CNTNAP2: variants seen among roughly 807,000 people sequenced by gnomAD.
CNTNAP2 encodes the protein contactin associated protein 2.
In CNTNAP2, 98 loss-of-function variants were observed where a neutral mutation model predicts 155.2. The ratio of observed to expected loss-of-function variants is 0.63; its 90% CI spans 0.54 to 0.75. The LOEUF (loss-of-function observed/expected upper bound fraction) is 0.75. CNTNAP2 is among the 30% of genes least tolerant of loss of function. CNTNAP2 has a pLI of 0.00. For missense variants in CNTNAP2, 1,727 were observed against 1,688.1 expected, an observed-to-expected ratio of 1.02 and a Z score of -0.40; for synonymous variants, 651 against 631.2, an observed-to-expected ratio of 1.03 and a Z score of -0.47.
At chr7:147,517,090 C>T (rs924984589) in intron 11 of CNTNAP2, among the ~76,000 whole-genome samples, 5 of 151,300 alleles carry the variant, frequency 3.3e-5, no homozygotes, top group African/African-American at 9.7e-5. Context: ...GGCTGGTCTC[C>T]AACTCCTGAC....
intron 5 of CNTNAP2, 84 bp downstream of exon 5, chr7:147,108,434 G>A: frequency 8.4e-7 from 1 of 1,191,370 alleles, no homozygotes. Context: ...TCTTTAAAAT[G>A]TAAATTATAA....
chr7:148,401,504 T>A (rs2116699717), intron 22 of CNTNAP2, among the ~76,000 whole-genome samples: 1 of 152,330 alleles, frequency 6.6e-6, no homozygotes. Flanking sequence ...ACAAGACATT[T>A]ATCTCACATG....
At chr7:147,770,533 A>C (rs1166528092) in intron 13 of CNTNAP2, among the ~76,000 whole-genome samples, 1 of 152,192 alleles carries the variant, frequency 6.6e-6, no homozygotes, top group Admixed American at 6.5e-5. Context: ...TATATTTTCC[A>C]AATGTTTTGA....
chr7:146,836,625 T>G (rs931965888), intron 2 of CNTNAP2, among the ~76,000 whole-genome samples: 28 of 152,176 alleles, frequency 1.8e-4, no homozygotes, highest in African/African-American at 6.8e-4. Context: ...TTATTCATCA[T>G]TACTGTTTGT....
At chr7:147,691,697 T>G (rs769269362) in intron 13 of CNTNAP2, among the ~76,000 whole-genome samples, 1 of 152,162 alleles carries the variant, frequency 6.6e-6, no homozygotes, top group Non-Finnish European at 1.5e-5. Flanking sequence ...ATATTTTCAA[T>G]AAGCTTTATT....
intron 3 of CNTNAP2, among the ~76,000 whole-genome samples, chr7:146,864,176 G>C (rs1167383233): frequency 6.6e-6 from 1 of 151,810 alleles, no homozygotes; most frequent in Non-Finnish European, 1.5e-5. Flanking sequence ...TAAAATTAGA[G>C]ATCTATATTT....
chr7:147,082,074 T>C (rs183368848), intron 4 of CNTNAP2: 66 of 152,234 alleles, frequency 4.3e-4, no homozygotes, highest in African/African-American at 1.5e-3. Flanking sequence ...GGAAATACAA[T>C]GGTTTCATTG....
chr7:147,300,307 T>G lies in CNTNAP2; in HGVS notation c.1498+17T>G. On this transcript the variant is annotated intron_variant, in intron 9 of 23. Coordinates refer to ENST00000361727, the MANE Select transcript of CNTNAP2 (RefSeq NM_014141.6). ...TTTTTGGAGGTAAGAATGCCATTCC[T>G]TTTTGGTTACTAATCCATTGCAAAA... is the stretch of plus-strand genomic sequence containing the variant. 6.2e-7 allele frequency: 1 copy of G among 1,613,430 alleles called. No homozygotes were observed. The highest frequency in any genetic ancestry group is 1.7e-4 in the Middle Eastern group (1 of 6,056).
intron 1 of CNTNAP2, among the ~76,000 whole-genome samples, chr7:146,681,743 A>G (rs544527665): frequency 1.7e-4 from 26 of 152,254 alleles, no homozygotes; most frequent in Admixed American, 1.0e-3. Context: ...AAGTTTACCT[A>G]TGTAAGAAAC....
intron 3 of CNTNAP2, among the ~76,000 whole-genome samples, chr7:146,938,821 T>C (rs1190379291): frequency 2.6e-5 from 4 of 152,140 alleles, no homozygotes; most frequent in African/African-American, 9.7e-5. Context: ...TTATTCATCA[T>C]TCAACAAATA....
rs188678495 is a variant in CNTNAP2, at chr7:148,152,970, G to A, written c.2773+5261G>A. Among the ~76,000 whole-genome samples the A allele has an allele frequency of 1.6e-4, 21 of 132,206 alleles. No individual in the cohort carries two copies. The East Asian group carries it at 4.8e-3, about 30-fold the overall frequency. The allele number at this position is 132,206 out of a possible 152,430, so 86.7% of individuals were successfully genotyped here. ...CGGGAGGCGGAGCTTGCAGTGAGCC[G>A]AGATCGCGCCACTGCACTCCAGCCT... On this transcript the variant is annotated intron_variant, in intron 17 of 23. Transcript: ENST00000361727.
chr7:146,744,154 G>C (rs1477244432), intron 1 of CNTNAP2, among the ~76,000 whole-genome samples: 5 of 149,268 alleles, frequency 3.3e-5, no homozygotes, highest in Admixed American at 2.7e-4. Context: ...CTGGAACCTG[G>C]GGGGAAGAGG....
intron 3 of CNTNAP2, among the ~76,000 whole-genome samples, chr7:146,981,035 G>T (rs1382711463): frequency 1.3e-5 from 2 of 152,070 alleles, no homozygotes; most frequent in Non-Finnish European, 2.9e-5. Flanking sequence ...ATGCAAAGGA[G>T]CCAAAAAATG....
At chr7:147,435,654 G>A (rs1027097111) in intron 10 of CNTNAP2, among the ~76,000 whole-genome samples, 1 of 152,276 alleles carries the variant, frequency 6.6e-6, no homozygotes, top group African/African-American at 2.4e-5. Flanking sequence ...TGCAAGCCTA[G>A]ACGCTACTGT....
intron 9 of CNTNAP2, among the ~76,000 whole-genome samples, chr7:147,390,318 A>T (rs946114837): frequency 5.3e-5 from 8 of 152,176 alleles, no homozygotes; most frequent in Non-Finnish European, 7.3e-5. Flanking sequence ...ACTTTGTATT[A>T]GTTATATATT....
At chr7:148,301,756 T>G (rs1466654180) in intron 21 of CNTNAP2, among the ~76,000 whole-genome samples, 1 of 152,172 alleles carries the variant, frequency 6.6e-6, no homozygotes, top group Admixed American at 6.5e-5. Context: ...GTGAGCAGGC[T>G]TCACCACACC....
chr7:147,062,871 G>C (rs1012693974), intron 4 of CNTNAP2, among the ~76,000 whole-genome samples: 2 of 152,120 alleles, frequency 1.3e-5, no homozygotes, highest in Non-Finnish European at 2.9e-5. Context: ...TAAAAATGAG[G>C]TCTTGATGCT....
chr7:146,927,612 T>C (rs1796633353), intron 3 of CNTNAP2, among the ~76,000 whole-genome samples: 1 of 148,672 alleles, frequency 6.7e-6, no homozygotes, highest in African/African-American at 2.6e-5. Flanking sequence ...AATAATAGCA[T>C]GCATGCACTG....
intron 18 of CNTNAP2, among the ~76,000 whole-genome samples, chr7:148,206,512 C>T (rs1381743002): frequency 6.6e-6 from 1 of 152,068 alleles, no homozygotes. Flanking sequence ...GGATTCAAGA[C>T]CTTCCTGGCC....
Sources: allele counts gnomAD v4.1 joint callset (sites outside exome capture counted in the v4.1 genomes callset), GRCh38; gene constraint gnomAD v4.1.1; transcripts MANE v1.5; gene names NCBI Gene and HGNC (gene_info 2026-07-23, HGNC 2026-07-21).